XKR4: variants seen among roughly 807,000 people sequenced by gnomAD.
The protein encoded by XKR4 is XK-related protein 4.
In XKR4, 12 loss-of-function variants were observed where a neutral mutation model predicts 53.9. That is an observed-to-expected ratio of 0.22 (90% CI 0.14 to 0.36). XKR4 has a LOEUF of 0.36. Ranked by LOEUF, XKR4 falls within the 10% of genes least tolerant of loss-of-function variation. The probability of loss-of-function intolerance (pLI) is 1.00; values close to 1 mark genes in which losing one functional copy is unlikely to be tolerated. For missense variants in XKR4, 799 were observed against 859.5 expected (o/e 0.93, Z 0.88); for synonymous variants, 354 against 362.4 (o/e 0.98, Z 0.26).
At chr8:55,484,515 T>C (rs1353857852) in intron 2 of XKR4, among the ~76,000 whole-genome samples, 1 of 152,222 alleles carries the variant, frequency 6.6e-6, no homozygotes, top group Non-Finnish European at 1.5e-5. Flanking sequence ...TCTGATTCAA[T>C]ATTTGAAAAT....
rs907397895 is a variant in XKR4, at chr8:55,524,588, A to G, written c.*361A>G. ...GGCGTTAACTGATCTTTCCATAAAA[A>G]TAGATTCAGTCATACACACATACAC... is the stretch of plus-strand genomic sequence containing the variant. On this transcript the variant is annotated 3_prime_UTR_variant, in exon 3 of 3. Transcript: ENST00000327381. 1.2e-5 allele frequency: 3 copies of G among 248,094 alleles called. No individual in the cohort carries two copies. Among genetic ancestry groups the G allele is most frequent in the East Asian group, 9.0e-5 (1 of 11,102 alleles). 15.4% of individuals were successfully genotyped at this position (248,094 alleles called of 1,614,324 possible).
At chr8:55,247,858 T>TCTTTCTTTCTTTCTTTC (rs1554572236) in intron 1 of XKR4, among the ~76,000 whole-genome samples, 4 of 97,756 alleles carry the variant, frequency 4.1e-5, no homozygotes, top group Non-Finnish European at 6.8e-5. Context: ...TTTCTTTCTT[T>TCTTTCTTTCTTTCTTTC]TTTTTTTTTT....
chr8:55,207,110 C>G lies in XKR4; in HGVS notation c.806+103816C>G, dbSNP rs1378466059. Among the ~76,000 whole-genome samples the G allele has an allele frequency of 1.3e-5, 2 of 152,222 alleles. 1 individual carries two copies. Among genetic ancestry groups the G allele is most frequent in the Non-Finnish European group, 2.9e-5 (2 of 68,044 alleles). On this transcript the variant is annotated intron_variant, in intron 1 of 2. Coordinates refer to ENST00000327381, the MANE Select transcript of XKR4 (RefSeq NM_052898.2). ...GCACGCTGAGCAGGGAAGGAGAGGT[C>G]CTGCCCCAGATGGCATGGTGCTCTG...
At chr8:55,221,715 C>T (rs182166296) in intron 1 of XKR4, among the ~76,000 whole-genome samples, 1 of 152,352 alleles carries the variant, frequency 6.6e-6, no homozygotes, top group East Asian at 1.9e-4. Flanking sequence ...CAAGCTCTTC[C>T]AGGGTGCTCT....
chr8:55,382,550 G>T (rs1401690634), intron 2 of XKR4, among the ~76,000 whole-genome samples: 1 of 152,186 alleles, frequency 6.6e-6, no homozygotes, highest in Non-Finnish European at 1.5e-5. Context: ...GAAGGAGAAA[G>T]GGAGGGTATT....
At chr8:55,396,210 C>T (rs1356262600) in intron 2 of XKR4, among the ~76,000 whole-genome samples, 14 of 152,136 alleles carry the variant, frequency 9.2e-5, no homozygotes, top group Non-Finnish European at 1.3e-4. Flanking sequence ...CATTTTTACA[C>T]GACTCAATCT....
chr8:55,330,614 G>T (rs1213491903), intron 1 of XKR4, among the ~76,000 whole-genome samples: 1 of 152,172 alleles, frequency 6.6e-6, no homozygotes, highest in Non-Finnish European at 1.5e-5. Context: ...GAATTCAGCA[G>T]TAATGAAGTT....
rs573075470 is a variant in XKR4 at position 55,213,518 on chromosome 8, C to G, written c.806+110224C>G. ...TTGGGAAAGTTTAGAATCTTGCAGTCTCTAGCTGCATAACTCCTAAATCAT... is the reference window on the plus strand; with the variant it reads ...TTGGGAAAGTTTAGAATCTTGCAGTGTCTAGCTGCATAACTCCTAAATCAT... On this transcript the variant is annotated intron_variant, in intron 1 of 2. Coordinates refer to ENST00000327381, the MANE Select transcript of XKR4 (RefSeq NM_052898.2). Among the ~76,000 whole-genome samples, 17 of 152,240 alleles carry G rather than the reference C, an allele frequency of 1.1e-4. No individual in the cohort carries two copies. In the South Asian group the frequency reaches 3.3e-3, roughly 30 times the overall value.
At chr8:55,279,540 A>G (rs1818807834) in intron 1 of XKR4, among the ~76,000 whole-genome samples, 1 of 152,210 alleles carries the variant, frequency 6.6e-6, no homozygotes, top group African/African-American at 2.4e-5. Context: ...AGAAGTGGAA[A>G]AGGGTAGCAA....
chr8:55,477,656 GA>G (rs1053928106), intron 2 of XKR4, among the ~76,000 whole-genome samples: 1 of 151,826 alleles, frequency 6.6e-6, no homozygotes, highest in Non-Finnish European at 1.5e-5. Flanking sequence ...TAAAAACGGT[GA>G]AAAAAAATTA....
Position 55,532,796 on chromosome 8 carries a change from CAAAAAAAAAAAAAAAAAAAA to C in XKR4, c.*8574_*8593del, listed in dbSNP as rs11313216. On this transcript the variant is annotated 3_prime_UTR_variant, in exon 3 of 3. Transcript: ENST00000327381. ...TGGGTGACAGAGCAAGACTCCGTCT[CAAAAAAAAAAAAAAAAAAAA>C]AAAAGAATTTCAGAAAATATAAAGT... 1.4e-5 allele frequency: 1 copy of C among 70,948 alleles called. No individual in the cohort carries two copies. Among genetic ancestry groups the C allele is most frequent in the African/African-American group, 5.4e-5 (1 of 18,684 alleles). 4.4% of individuals were successfully genotyped at this position (70,948 alleles called of 1,614,324 possible).
intron 1 of XKR4, among the ~76,000 whole-genome samples, chr8:55,334,656 A>C (rs1001520737): frequency 2.6e-5 from 4 of 152,196 alleles, no homozygotes; most frequent in Non-Finnish European, 5.9e-5. Flanking sequence ...TGTGCATTTC[A>C]GAATTTTAAA....
rs577038309 is a variant in XKR4 at position 55,533,285 on chromosome 8, T to C, written c.*9058T>C. 1 of 152,328 alleles carries C rather than the reference T, an allele frequency of 6.6e-6. No homozygotes were observed. The highest frequency in any genetic ancestry group is 1.5e-5 in the Non-Finnish European group (1 of 68,024). 9.4% of individuals were successfully genotyped at this position (152,328 alleles called of 1,614,324 possible). A position where few individuals can be genotyped will look rare whatever the true frequency, so the allele number is the denominator to read the frequency against. On this transcript the variant is annotated 3_prime_UTR_variant, in exon 3 of 3. Transcript: ENST00000327381. ...TTCTGCTGAGCCCCTTGTGATTTTT[T>C]TTATTCTATTCAAATTGGGAGCAAT...
intron 1 of XKR4, among the ~76,000 whole-genome samples, chr8:55,296,627 A>G (rs1331128652): frequency 1.3e-5 from 2 of 152,172 alleles, no homozygotes; most frequent in African/African-American, 4.8e-5. Context: ...AATGAACAAC[A>G]AGGAACCAAT....
chr8:55,353,671 G>A (rs781387588), intron 1 of XKR4, among the ~76,000 whole-genome samples: 10 of 152,180 alleles, frequency 6.6e-5, no homozygotes, highest in Admixed American at 2.0e-4. Context: ...GGTGATGATC[G>A]AATGGAGACT....
intron 1 of XKR4, among the ~76,000 whole-genome samples, chr8:55,114,456 A>C (rs1422482724): frequency 6.6e-6 from 1 of 152,102 alleles, no homozygotes; most frequent in Admixed American, 6.6e-5. Context: ...TCAGAAGTGT[A>C]CAGGAAGTCA....
intron 2 of XKR4, among the ~76,000 whole-genome samples, chr8:55,484,747 A>G (rs1263135242): frequency 6.6e-6 from 1 of 152,234 alleles, no homozygotes; most frequent in South Asian, 2.1e-4. Context: ...GCCTCCTTCA[A>G]CCCACTGAAG....
In XKR4 at chr8:55,531,814, G is replaced by A. The variant is rs1477805936; in HGVS notation, c.*7587G>A. 6.6e-6 allele frequency: 1 copy of A among 152,224 alleles called. No homozygotes were observed. The highest frequency in any genetic ancestry group is 1.5e-5 in the Non-Finnish European group (1 of 68,046). The allele number at this position is 152,224 out of a possible 1,614,324, so 9.4% of individuals were successfully genotyped here. On this transcript the variant is annotated 3_prime_UTR_variant, in exon 3 of 3. Coordinates refer to ENST00000327381, the MANE Select transcript of XKR4 (RefSeq NM_052898.2). ...CTAACTGTATTTCTCCAGCATACTG[G>A]TTATTTAGGAATAACAAATTTCTGG...
At chr8:55,305,478 G>C (rs1819282236) in intron 1 of XKR4, among the ~76,000 whole-genome samples, 1 of 152,090 alleles carries the variant, frequency 6.6e-6, no homozygotes, top group Admixed American at 6.5e-5. Context: ...AAGCTTTTCT[G>C]CTTGTTAGAG....
Sources: gnomAD v4.1 joint callset for allele counts (sites outside exome capture counted in the v4.1 genomes callset) on GRCh38, gnomAD v4.1.1 for gene constraint, MANE v1.5 for transcripts, NCBI Gene and HGNC (gene_info 2026-07-23, HGNC 2026-07-21) for gene names.